GABRR2: variants seen among roughly 807,000 people sequenced by gnomAD.
GABRR2 encodes the protein gamma-aminobutyric acid type A receptor subunit rho2.
GABRR2 carries 36 observed loss-of-function variants against 47.0 expected under a neutral mutation model. The ratio of observed to expected loss-of-function variants is 0.77; its 90% confidence interval spans 0.59 to 1.01. The LOEUF is 1.01. GABRR2 is among the 50% of genes least tolerant of loss of function. The pLI is 0.00. For missense variants in GABRR2, 587 were observed against 594.6 expected (o/e 0.99, Z 0.13); for synonymous variants, 204 against 227.5 (o/e 0.90, Z 0.93).
chr6:89,312,128 C>T (rs1221573943), intron 1 of GABRR2, among the ~76,000 whole-genome samples: 2 of 152,084 alleles, frequency 1.3e-5, no homozygotes, highest in Non-Finnish European at 2.9e-5. Context: ...AGGGCACAGC[C>T]CAGAGTCAGC....
intron 5 of GABRR2, 44 bp from the exon 6 acceptor site, chr6:89,267,863 G>A: frequency 6.2e-7 from 1 of 1,603,434 alleles, no homozygotes; most frequent in Non-Finnish European, 8.5e-7. Context: ...CTTCGCTTCT[G>A]ATGCAGGGTG....
rs542812899 is a variant in GABRR2, at chr6:89,262,160, T to C, written c.1086+2252A>G. On this transcript the variant is annotated intron_variant, in intron 8 of 8. Coordinates refer to ENST00000402938, the MANE Select transcript of GABRR2 (RefSeq NM_002043.5). ...AGAGAGTGATTTTAGTAACCTTCTC[T>C]TGATAGACCATCAATCATGGACCAG... Among the ~76,000 whole-genome samples, 37 of 152,342 alleles carry C rather than the reference T, an allele frequency of 2.4e-4. No individual in the cohort carries two copies. In the East Asian group the frequency reaches 2.5e-3, roughly 10 times the overall value.
chr6:89,259,451 T>C (rs1309854817), intron 8 of GABRR2, among the ~76,000 whole-genome samples: 1 of 152,152 alleles, frequency 6.6e-6, no homozygotes, highest in Non-Finnish European at 1.5e-5. Flanking sequence ...CATGATTGTT[T>C]CATTATTAGT....
At chr6:89,265,244 C>T (rs1346799421) in intron 7 of GABRR2, among the ~76,000 whole-genome samples, 3 of 152,170 alleles carry the variant, frequency 2.0e-5, no homozygotes, top group Admixed American at 1.3e-4. Context: ...CCTCCAAGCC[C>T]TCAGTCTGTC....
chr6:89,304,700 A>T (rs1767525276), intron 1 of GABRR2, among the ~76,000 whole-genome samples: 1 of 152,238 alleles, frequency 6.6e-6, no homozygotes, highest in African/African-American at 2.4e-5. Flanking sequence ...GTTCAATAAC[A>T]CTGATCATTA....
At chr6:89,279,630 CCAAAACACTGGGATT>C (rs1774222837) in intron 2 of GABRR2, among the ~76,000 whole-genome samples, 1 of 150,916 alleles carries the variant, frequency 6.6e-6, no homozygotes, top group Non-Finnish European at 1.5e-5. Context: ...CCTCAGGCTC[CCAAAACACTGGGATT>C]ACAGGTGTGA....
chr6:89,297,217 A>G (rs1774571803), intron 2 of GABRR2, among the ~76,000 whole-genome samples: 2 of 152,352 alleles, frequency 1.3e-5, no homozygotes, highest in South Asian at 2.1e-4. Flanking sequence ...TATTAATAGT[A>G]TATATTAAAA....
chr6:89,271,819 A>T, intron 2 of GABRR2, 97 bp from the exon 3 acceptor site: 1 of 930,902 alleles, frequency 1.1e-6, no homozygotes, highest in Non-Finnish European at 1.7e-6. Context: ...CCAGGACTGG[A>T]GCAGAGTAGG....
chr6:89,296,503 T>C (rs1385661260), intron 2 of GABRR2, among the ~76,000 whole-genome samples: 4 of 151,998 alleles, frequency 2.6e-5, no homozygotes, highest in African/African-American at 7.3e-5. Flanking sequence ...GAAGGAGGAG[T>C]GGCCCCCACC....
intron 2 of GABRR2, among the ~76,000 whole-genome samples, chr6:89,283,174 C>A (rs534311382): frequency 2.0e-5 from 3 of 148,116 alleles, no homozygotes; most frequent in Admixed American, 6.9e-5. Context: ...GTTCTTTGCA[C>A]ATTTTTCTAT....
At chr6:89,311,537 C>T (rs1767682008) in intron 1 of GABRR2, among the ~76,000 whole-genome samples, 1 of 152,188 alleles carries the variant, frequency 6.6e-6, no homozygotes, top group Non-Finnish European at 1.5e-5. Flanking sequence ...GAGCCCCCAC[C>T]CACCCATGGC....
intron 1 of GABRR2, among the ~76,000 whole-genome samples, chr6:89,310,384 G>A (rs1334730601): frequency 3.3e-5 from 5 of 152,040 alleles, no homozygotes; most frequent in Non-Finnish European, 7.4e-5. Context: ...TCAGAACAAA[G>A]TACTCTGGTT....
chr6:89,263,005 A>G (rs1257258271), intron 8 of GABRR2, among the ~76,000 whole-genome samples: 1 of 152,256 alleles, frequency 6.6e-6, no homozygotes, highest in Non-Finnish European at 1.5e-5. Flanking sequence ...GCTCATGAGC[A>G]TGGCTTTGTA....
intron 2 of GABRR2, among the ~76,000 whole-genome samples, chr6:89,282,249 C>T (rs1008247043): frequency 4.6e-5 from 7 of 152,150 alleles, no homozygotes; most frequent in Non-Finnish European, 1.0e-4. Flanking sequence ...TCTTGCTCTC[C>T]AGAAGGAAGC....
At chr6:89,268,430 C>T (rs1424902746) in intron 4 of GABRR2, among the ~76,000 whole-genome samples, 3 of 152,190 alleles carry the variant, frequency 2.0e-5, no homozygotes, top group African/African-American at 7.2e-5. Context: ...CCTGGGAGGC[C>T]CCCTCATCAA....
intron 1 of GABRR2, among the ~76,000 whole-genome samples, chr6:89,311,994 C>G (rs1767689838): frequency 6.6e-6 from 1 of 152,208 alleles, no homozygotes; most frequent in African/African-American, 2.4e-5. Context: ...TCCAGCGGAA[C>G]AGAACCACAG....
chr6:89,300,860 G>A (rs554085617), intron 1 of GABRR2, among the ~76,000 whole-genome samples: 1 of 151,882 alleles, frequency 6.6e-6, no homozygotes, highest in East Asian at 1.9e-4. Flanking sequence ...AATTGAGGAG[G>A]CGGGACTCCT....
intron 2 of GABRR2, among the ~76,000 whole-genome samples, chr6:89,293,642 C>A (rs984466496): frequency 1.3e-5 from 2 of 152,118 alleles, no homozygotes; most frequent in Non-Finnish European, 2.9e-5. Flanking sequence ...AAGAAATTAG[C>A]CAGGCACGTT....
At chr6:89,285,049 GCCTTGC>G (rs1195125663) in intron 2 of GABRR2, among the ~76,000 whole-genome samples, 7 of 152,196 alleles carry the variant, frequency 4.6e-5, no homozygotes, top group Non-Finnish European at 8.8e-5. Context: ...CCTGTGGGCA[GCCTTGC>G]CCTTTTCCAC....
Sources: allele counts gnomAD v4.1 joint callset (sites outside exome capture counted in the v4.1 genomes callset), GRCh38; gene constraint gnomAD v4.1.1; transcripts MANE v1.5; gene names NCBI Gene and HGNC (gene_info 2026-07-23, HGNC 2026-07-21).